CTNND2: variants seen among roughly 807,000 people sequenced by gnomAD.
CTNND2 encodes catenin delta 2, also known as catenin delta-2.
In CTNND2, 22 loss-of-function variants were observed where a neutral mutation model predicts 144.4. That is an observed-to-expected ratio of 0.15 (90% confidence interval 0.11 to 0.22). CTNND2 has a LOEUF of 0.22. Ranked by LOEUF, CTNND2 falls within the 10% of genes least tolerant of loss-of-function variation. The pLI is 1.00. For missense variants in CTNND2, 1,353 were observed against 1,618.8 expected (o/e 0.84, Z 2.82); for synonymous variants, 751 against 695.6 (o/e 1.08, Z -1.25).
rs1759972904 is a variant in CTNND2 at position 11,171,975 on chromosome 5, CA to C, written c.1976-12217del. ...TTAATTGAGTAAAAAAGTTCAACAA[CA>C]AAATTATACTTACATTCGGACAATT... is the stretch of plus-strand genomic sequence containing the variant. On this transcript the variant is annotated intron_variant, in intron 11 of 21. Transcript: ENST00000304623. Among the ~76,000 whole-genome samples the C allele has an allele frequency of 3.9e-5, 6 of 152,270 alleles. 1 individual carries two copies. In the South Asian group the frequency reaches 1.2e-3, roughly 32 times the overall value.
intron 2 of CTNND2, among the ~76,000 whole-genome samples, chr5:11,731,011 A>C (rs560708427): frequency 1.3e-5 from 2 of 152,288 alleles, no homozygotes; most frequent in Admixed American, 6.5e-5. Context: ...ATAATCAGAA[A>C]ACTCTCAAGA....
chr5:11,858,222 T>C (rs752419874), intron 1 of CTNND2, among the ~76,000 whole-genome samples: 1 of 152,224 alleles, frequency 6.6e-6, no homozygotes, highest in Non-Finnish European at 1.5e-5. Flanking sequence ...TTCCACAACA[T>C]TGGATTCCAT....
chr5:11,743,428 A>G (rs1023644553), intron 1 of CTNND2, among the ~76,000 whole-genome samples: 18 of 152,222 alleles, frequency 1.2e-4, no homozygotes, highest in African/African-American at 4.3e-4. Context: ...CCTGAGAATG[A>G]TGTACACTTT....
intron 1 of CTNND2, among the ~76,000 whole-genome samples, chr5:11,774,697 T>C (rs1487839021): frequency 6.6e-6 from 1 of 152,200 alleles, no homozygotes; most frequent in Non-Finnish European, 1.5e-5. Flanking sequence ...AACACTTTTT[T>C]TTCAACTGGA....
At chr5:11,288,701 T>C (rs367706503) in intron 9 of CTNND2, among the ~76,000 whole-genome samples, 108 of 152,176 alleles carry the variant, frequency 7.1e-4, no homozygotes, top group African/African-American at 2.4e-3. Flanking sequence ...GTGTTCAGAA[T>C]TGACTTTTTT....
At chr5:11,284,087 C>G (rs996505171) in intron 9 of CTNND2, among the ~76,000 whole-genome samples, 5 of 152,108 alleles carry the variant, frequency 3.3e-5, no homozygotes, top group South Asian at 2.1e-4. Context: ...GTGGGCTTCA[C>G]GCTCCTCTCT....
intron 9 of CTNND2, among the ~76,000 whole-genome samples, chr5:11,306,482 G>A (rs1750219234): frequency 6.6e-6 from 1 of 152,166 alleles, no homozygotes; most frequent in African/African-American, 2.4e-5. Context: ...ATCCGAGGAT[G>A]TCTGCTTTTC....
intron 2 of CTNND2, among the ~76,000 whole-genome samples, chr5:11,678,317 G>C (rs940922595): frequency 1.3e-5 from 2 of 152,120 alleles, no homozygotes; most frequent in Non-Finnish European, 2.9e-5. Context: ...ATCAGGAGGA[G>C]ACTAGGTTTT....
At chr5:11,813,685 G>T (rs534670715) in intron 1 of CTNND2, among the ~76,000 whole-genome samples, 1 of 152,008 alleles carries the variant, frequency 6.6e-6, no homozygotes, top group African/African-American at 2.4e-5. Context: ...TATTTATTTA[G>T]AAATTTTTTG....
At chr5:11,839,435 A>G (rs1794340167) in intron 1 of CTNND2, among the ~76,000 whole-genome samples, 1 of 151,824 alleles carries the variant, frequency 6.6e-6, no homozygotes, top group African/African-American at 2.4e-5. Context: ...GCATGAAACA[A>G]TGACAATTTT....
At chr5:11,768,889 T>G (rs1561780164) in intron 1 of CTNND2, among the ~76,000 whole-genome samples, 1 of 151,998 alleles carries the variant, frequency 6.6e-6, no homozygotes, top group Non-Finnish European at 1.5e-5. Flanking sequence ...TTGCTGGGAG[T>G]TGTCTGGCCC....
At chr5:11,453,269 G>A (rs759055754) in intron 3 of CTNND2, among the ~76,000 whole-genome samples, 3 of 152,132 alleles carry the variant, frequency 2.0e-5, no homozygotes, top group Non-Finnish European at 4.4e-5. Flanking sequence ...GTGAGATGGT[G>A]GCACTAGCTA....
chr5:11,432,128 T>TTA (rs1561384426), intron 3 of CTNND2, among the ~76,000 whole-genome samples: 28 of 150,470 alleles, frequency 1.9e-4, no homozygotes, highest in African/African-American at 6.6e-4. Flanking sequence ...AGGCTTTTTT[T>TTA]TTTTTTTTTT....
intron 9 of CTNND2, among the ~76,000 whole-genome samples, chr5:11,345,074 C>G (rs1003114333): frequency 6.6e-6 from 1 of 152,150 alleles, no homozygotes; most frequent in East Asian, 1.9e-4. Flanking sequence ...TAAGGGTTCA[C>G]TATTACGCTA....
chr5:11,292,484 G>A (rs1359120752), intron 9 of CTNND2, among the ~76,000 whole-genome samples: 2 of 152,108 alleles, frequency 1.3e-5, no homozygotes, highest in African/African-American at 4.8e-5. Context: ...TGTGGTGGGA[G>A]GTAATTGGAT....
At chr5:11,099,731 C>T (rs1751694430) in intron 14 of CTNND2, among the ~76,000 whole-genome samples, 1 of 151,948 alleles carries the variant, frequency 6.6e-6, no homozygotes, top group South Asian at 2.1e-4. Flanking sequence ...TTTGATTACA[C>T]AAAGGCTTTG....
chr5:11,121,749 A>G (rs2149701410), intron 12 of CTNND2, among the ~76,000 whole-genome samples: 1 of 152,260 alleles, frequency 6.6e-6, no homozygotes, highest in South Asian at 2.1e-4. Flanking sequence ...CCATATGTTC[A>G]CCTGTATGAC....
intron 1 of CTNND2, among the ~76,000 whole-genome samples, chr5:11,734,322 C>T (rs1787557749): frequency 6.6e-6 from 1 of 152,136 alleles, no homozygotes; most frequent in African/African-American, 2.4e-5. Flanking sequence ...CAACAAATCT[C>T]ATCTTGAATT....
intron 3 of CTNND2, among the ~76,000 whole-genome samples, chr5:11,439,753 T>TATCTATCTATCTATCTATC (rs761339336): frequency 1.6e-4 from 13 of 80,088 alleles, no homozygotes; most frequent in African/African-American, 4.7e-4. Flanking sequence ...TCTATCTATC[T>TATCTATCTATCTATCTATC]ATCTATCTAT....
Sources: allele counts gnomAD v4.1 joint callset (sites outside exome capture counted in the v4.1 genomes callset), GRCh38; gene constraint gnomAD v4.1.1; transcripts MANE v1.5; gene names NCBI Gene and HGNC (gene_info 2026-07-23, HGNC 2026-07-21).